Variants in PDCD1 observed in about 807,000 individuals in gnomAD.
The protein encoded by PDCD1 is programmed cell death protein 1.
A neutral mutation model predicts 23.6 loss-of-function variants in PDCD1; 10 were observed. The ratio of observed to expected loss-of-function variants is 0.42; its 90% CI spans 0.26 to 0.72. The LOEUF (loss-of-function observed/expected upper bound fraction) is 0.72. Ranked by LOEUF, PDCD1 falls within the 30% of genes least tolerant of loss-of-function variation. PDCD1 has a pLI of 0.24. For missense variants in PDCD1, 313 were observed against 397.8 expected, an observed-to-expected ratio of 0.79 and a Z score of 1.81; for synonymous variants, 168 against 169.3, an observed-to-expected ratio of 0.99 and a Z score of 0.06.
In PDCD1 at chr2:241,855,472, A is replaced by G. The variant is rs1015502832; in HGVS notation, c.77-2492T>C. ...ATCAAGTTAGATTTGGGGTGTTTCT[A>G]TGGGATTCCATTGTTTCCCCAGGTG... is the stretch of plus-strand genomic sequence containing the variant. On this transcript the variant is annotated intron_variant, in intron 1 of 4. Coordinates refer to ENST00000334409, the MANE Select transcript of PDCD1 (RefSeq NM_005018.3). 2.0e-5 allele frequency among the ~76,000 whole-genome samples: 3 copies of G among 152,254 alleles called. No homozygotes were observed. The East Asian group carries it at 5.8e-4, about 29-fold the overall frequency.
chr2:241,855,669 ACAGAAGAAGGCTG>A (rs1701007453), intron 1 of PDCD1, among the ~76,000 whole-genome samples: 1 of 152,172 alleles, frequency 6.6e-6, no homozygotes, highest in African/African-American at 2.4e-5. Context: ...CCAGAAGCGC[ACAGAAGAAGGCTG>A]CCTGCCCCGG....
In PDCD1 at chr2:241,850,292, C is replaced by T. The variant is rs1008580400; in HGVS notation, c.*766G>A. The T allele has an allele frequency of 1.2e-4, 27 of 234,182 alleles. No homozygotes were observed. The highest frequency in any genetic ancestry group is 2.6e-4 in the African/African-American group (12 of 45,470). The allele number at this position is 234,182 out of a possible 1,614,324, so 14.5% of individuals were successfully genotyped here. On this transcript the variant is annotated 3_prime_UTR_variant, in exon 5 of 5. Transcript: ENST00000334409. ...TTGGGACCGTAGGATGTCCCTCTCC[C>T]GAGTGGTGTGAGGGGCTGGGGTGGA...
chr2:241,852,720 C>T lies in PDCD1; in HGVS notation c.337G>A (p.Ala113Thr), dbSNP rs200323895. The change falls in exon 2 of 5, where the codon GCC (alanine) becomes ACC (threonine). Residue 113 changes from alanine to threonine, a missense_variant. Physicochemically the swap from Ala to Thr is moderately conservative, Grantham distance 58. This residue lies in a region of PDCD1 where 135 missense variants were observed against 166.9 expected (regional missense o/e 0.81). Coordinates refer to ENST00000334409, the MANE Select transcript of PDCD1 (RefSeq NM_005018.3). ...TAGGTGCCGCTGTCATTGCGCCGGG[C>T]CCTGACCACGCTCATGTGGAAGTCA... ...GRDFHMSVVR[A>T]RRNDSGTYLC... 5 of 1,613,862 alleles carry T rather than the reference C, an allele frequency of 3.1e-6. No individual in the cohort carries two copies. The East Asian group carries it at 8.9e-5, about 29-fold the overall frequency.
Position 241,851,080 on chromosome 2 carries a change from C to G in PDCD1, c.845G>C (p.Gly282Ala), listed in dbSNP as rs768187506. 6.2e-7 allele frequency: 1 copy of G among 1,612,696 alleles called. No individual in the cohort carries two copies. Among genetic ancestry groups the G allele is most frequent in the Admixed American group, 1.7e-5 (1 of 59,966 alleles). Reference sequence around the variant, plus strand: ...CGGTCAGAGGGGCCAAGAGCAGTGTCCATCCTCAGGCCTCAGTGGCTGGGC... The same window carrying G: ...CGGTCAGAGGGGCCAAGAGCAGTGTGCATCCTCAGGCCTCAGTGGCTGGGC... ...RSAQPLRPED[G>A]HCSWPL The change falls in exon 5 of 5, where the codon GGA (glycine) becomes GCA (alanine). Residue 282 changes from glycine (G) to alanine (A), a missense_variant. Transcript: ENST00000334409.
At chr2:241,853,714 G>A (rs1047298273) in intron 1 of PDCD1, among the ~76,000 whole-genome samples, 2 of 152,264 alleles carry the variant, frequency 1.3e-5, no homozygotes, top group East Asian at 3.8e-4. Flanking sequence ...GCATGGCAAC[G>A]TGGGGGTCGC....
At position 241,852,933 on chromosome 2, in the gene PDCD1, G is replaced by C; in HGVS notation, c.124C>G (p.Leu42Val). 2 of 1,584,154 alleles carry C rather than the reference G, an allele frequency of 1.3e-6. No homozygotes were observed. ...GCGTTGTCCCCTTCGGTCACCACGA[G>C]CAGGGCTGGGGAGAAGGTGGGGGGG... ...WNPPTFSPAL[L>V]VVTEGDNATF... is the part of the protein sequence containing the mutation. Residue 42 changes from leucine (L) to valine (V), a missense_variant, in exon 2 of 5, where the codon CTC becomes GTC. By Grantham distance (32) the Leu-to-Val change is conservative. Around this residue, in one of 3 missense-constraint regions of PDCD1, gnomAD observed 135 missense variants for 166.9 expected, o/e 0.81. Transcript: ENST00000334409.
chr2:241,853,812 C>T (rs1467568152), intron 1 of PDCD1, among the ~76,000 whole-genome samples: 1 of 152,272 alleles, frequency 6.6e-6, no homozygotes, highest in African/African-American at 2.4e-5. Flanking sequence ...CCCGGCTCAC[C>T]CACAGGTCCC....
chr2:241,851,800 G>A (rs1244445525), intron 4 of PDCD1, 149 bp downstream of exon 4: 1 of 830,330 alleles, frequency 1.2e-6, no homozygotes, highest in African/African-American at 1.7e-5. Context: ...TTTAGGGATT[G>A]AGGTTGCTGC....
chr2:241,851,893 C>G, intron 4 of PDCD1, 56 bp downstream of exon 4: 1 of 1,551,998 alleles, frequency 6.4e-7, no homozygotes, highest in East Asian at 2.2e-5. Flanking sequence ...CCTTCCACCT[C>G]TGCCCACCCA....
At chr2:241,857,311 G>T (rs529095731) in intron 1 of PDCD1, among the ~76,000 whole-genome samples, 1 of 152,230 alleles carries the variant, frequency 6.6e-6, no homozygotes, top group Non-Finnish European at 1.5e-5. Flanking sequence ...GGGAAACCGA[G>T]GCATGCCACC....
At chr2:241,851,797 A>T in intron 4 of PDCD1, 152 bp downstream of exon 4, 1 of 811,626 alleles carries the variant, frequency 1.2e-6, no homozygotes, top group East Asian at 2.6e-5. Context: ...GGCTTTAGGG[A>T]TTGAGGTTGC....
chr2:241,858,748 G>A lies in PDCD1; in HGVS notation c.76+15C>T, dbSNP rs35933396. On this transcript the variant is annotated intron_variant, in intron 1 of 4. Transcript: ENST00000334409. ...ACCCCTGGCTCTGGGACACCTGACC[G>A]CCGACCCCACCTACCTAAGAACCAT... 0.04 allele frequency: 62,720 copies of A among 1,576,328 alleles called. 7,994 individuals are homozygous for A. In the East Asian group the frequency reaches 0.5, roughly 13 times the overall value.
At position 241,858,521 on chromosome 2, in the gene PDCD1, G is replaced by GCTGCCCAAACTTTGGGCAGTCAC. The variant is rs35214377; in HGVS notation, c.76+241_76+242insGTGACTGCCCAAAGTTTGGGCAG. Among the ~76,000 whole-genome samples the GCTGCCCAAACTTTGGGCAGTCAC allele has an allele frequency of 0.057, 8,653 of 151,520 alleles. 1,030 individuals carry two copies. Among genetic ancestry groups the GCTGCCCAAACTTTGGGCAGTCAC allele is most frequent in the East Asian group, 0.49 (2,481 of 5,108 alleles). On this transcript the variant is annotated intron_variant, in intron 1 of 4. Transcript: ENST00000334409. ...CCCAGAGAGGAACCCAGGAGTTCGA[G>GCTGCCCAAACTTTGGGCAGTCAC]CTGCCCAAAGCCACACAGCTCAGGG...
intron 2 of PDCD1, 43 bp from the exon 3 acceptor site, chr2:241,852,396 G>A (rs1195282629): frequency 2.9e-6 from 4 of 1,365,468 alleles, no homozygotes; most frequent in Non-Finnish European, 4.1e-6. Flanking sequence ...GGGTCAGGGT[G>A]GAGGGTCAGG....
chr2:241,852,905 G>A lies in PDCD1; in HGVS notation c.152C>T (p.Thr51Ile), dbSNP rs1485804549. 2 of 1,598,090 alleles carry A rather than the reference G, an allele frequency of 1.3e-6. No individual in the cohort carries two copies. Among genetic ancestry groups the A allele is most frequent in the Non-Finnish European group, 1.7e-6 (2 of 1,178,816 alleles). ...TGTGTTGGAGAAGCTGCAGGTGAAG[G>A]TGGCGTTGTCCCCTTCGGTCACCAC... ...LLVVTEGDNA[T>I]FTCSFSNTSE... Residue 51 changes from threonine (T) to isoleucine (I), a missense_variant, in exon 2 of 5, where the codon ACC becomes ATC. Physicochemically the swap from Thr to Ile is moderately conservative, Grantham distance 89. Transcript: ENST00000334409.
intron 4 of PDCD1, 52 bp downstream of exon 4, chr2:241,851,897 C>T (rs1700909946): frequency 6.3e-7 from 1 of 1,580,094 alleles, no homozygotes; most frequent in Non-Finnish European, 8.7e-7. Flanking sequence ...CCACCTCTGC[C>T]CACCCAGGAA....
intron 3 of PDCD1, 23 bp downstream of exon 3, chr2:241,852,175 C>T (rs993350585): frequency 6.2e-7 from 1 of 1,601,694 alleles, no homozygotes; most frequent in Non-Finnish European, 8.5e-7. Context: ...GCAGGGCAGG[C>T]CGAGGGGCTG....
At position 241,851,916 on chromosome 2, in the gene PDCD1, C is replaced by T. The variant is rs770378753; in HGVS notation, c.627+33G>A. On this transcript the variant is annotated intron_variant, in intron 4 of 4. Coordinates refer to ENST00000334409, the MANE Select transcript of PDCD1 (RefSeq NM_005018.3). The stretch of plus-strand genomic sequence containing the variant: ...CTCTGCCCACCCAGGAAGGAAGGCA[C>T]AGTGGATCATGCAGGAAAAGAGTGA... 1.7e-5 allele frequency: 28 copies of T among 1,601,980 alleles called. No individual in the cohort carries two copies. In the African/African-American group the frequency reaches 1.7e-4, roughly 10 times the overall value.
At chr2:241,852,008 A>T in intron 3 of PDCD1, 25 bp from the exon 4 acceptor site, 3 of 1,594,474 alleles carry the variant, frequency 1.9e-6, no homozygotes, top group Non-Finnish European at 2.6e-6. Context: ...ACTTGGGGTC[A>T]CCAGGCCGAC....
Sources: allele counts gnomAD v4.1 joint callset (sites outside exome capture counted in the v4.1 genomes callset), GRCh38; gene constraint gnomAD v4.1.1; regional missense constraint gnomAD v4.1.1; transcripts MANE v1.5; gene names NCBI Gene and HGNC (gene_info 2026-07-23, HGNC 2026-07-21).